Variants in GBE1 observed in about 807,000 individuals in gnomAD.
GBE1 encodes the protein 1,4-alpha-glucan branching enzyme 1.
In GBE1, 70 loss-of-function variants were observed where a neutral mutation model predicts 88.8. The ratio of observed to expected loss-of-function variants is 0.79; its 90% CI spans 0.65 to 0.96. The LOEUF is 0.96. GBE1 is among the 40% of genes least tolerant of loss of function. The pLI is 0.00. For missense variants in GBE1, 872 were observed against 871.0 expected, an observed-to-expected ratio of 1.00 and a Z score of -0.01; for synonymous variants, 284 against 300.1, an observed-to-expected ratio of 0.95 and a Z score of 0.56.
intron 1 of GBE1, among the ~76,000 whole-genome samples, chr3:81,736,215 G>A (rs1706256026): frequency 6.6e-6 from 1 of 152,170 alleles, no homozygotes; most frequent in African/African-American, 2.4e-5. Flanking sequence ...AAGGGTTGGA[G>A]TGAGGAGGTA....
At chr3:81,621,188 C>G (rs551086472) in intron 7 of GBE1, among the ~76,000 whole-genome samples, 15 of 152,192 alleles carry the variant, frequency 9.9e-5, no homozygotes, top group Admixed American at 9.8e-4. Flanking sequence ...AGAAAGCTTA[C>G]TCTGCACTTT....
chr3:81,583,101 G>A (rs970243082), intron 10 of GBE1, among the ~76,000 whole-genome samples: 1 of 152,032 alleles, frequency 6.6e-6, no homozygotes, highest in Non-Finnish European at 1.5e-5. Flanking sequence ...GGATATGCAG[G>A]AGGCAAATAA....
At chr3:81,553,980 A>T (rs1218349373) in intron 12 of GBE1, among the ~76,000 whole-genome samples, 1 of 152,190 alleles carries the variant, frequency 6.6e-6, no homozygotes, top group Non-Finnish European at 1.5e-5. Flanking sequence ...GACAATGAAC[A>T]AAGCAAATGA....
intron 1 of GBE1, among the ~76,000 whole-genome samples, chr3:81,713,331 G>A (rs1165963308): frequency 3.3e-5 from 5 of 152,202 alleles, no homozygotes; most frequent in African/African-American, 1.2e-4. Context: ...GTAAAAATTG[G>A]ATGCTTCTTG....
intron 3 of GBE1, among the ~76,000 whole-genome samples, chr3:81,667,930 T>C (rs745334111): frequency 2.0e-5 from 3 of 152,198 alleles, no homozygotes; most frequent in Non-Finnish European, 2.9e-5. Context: ...TATATGTTTA[T>C]TGCAACACTA....
chr3:81,628,301 C>A (rs1480909086), intron 7 of GBE1, among the ~76,000 whole-genome samples: 1 of 152,020 alleles, frequency 6.6e-6, no homozygotes, highest in South Asian at 2.1e-4. Flanking sequence ...GTCTCTACAA[C>A]AAAAAGTTAC....
chr3:81,577,695 T>C (rs1179995879), intron 12 of GBE1, among the ~76,000 whole-genome samples: 1 of 152,178 alleles, frequency 6.6e-6, no homozygotes, highest in African/African-American at 2.4e-5. Flanking sequence ...TTGACAGCAA[T>C]ATTCAATTAA....
chr3:81,749,508 T>G (rs1429009359), intron 1 of GBE1, among the ~76,000 whole-genome samples: 1 of 152,220 alleles, frequency 6.6e-6, no homozygotes, highest in African/African-American at 2.4e-5. Context: ...AGAGCATTCC[T>G]TCGTAGTGAT....
chr3:81,548,057 T>A (rs1163682812), intron 12 of GBE1, among the ~76,000 whole-genome samples: 2 of 151,464 alleles, frequency 1.3e-5, no homozygotes, highest in African/African-American at 4.8e-5. Context: ...AGGGTTCAAT[T>A]CCTGGCTTAG....
At chr3:81,731,386 C>T (rs560167597) in intron 1 of GBE1, among the ~76,000 whole-genome samples, 1 of 152,284 alleles carries the variant, frequency 6.6e-6, no homozygotes, top group East Asian at 1.9e-4. Flanking sequence ...TTCCTTCAGG[C>T]CTACAGGTAT....
At chr3:81,692,051 A>C (rs1463664838) in intron 2 of GBE1, among the ~76,000 whole-genome samples, 1 of 152,130 alleles carries the variant, frequency 6.6e-6, no homozygotes, top group African/African-American at 2.4e-5. Context: ...AACTGCCATG[A>C]CCTACACAGC....
At chr3:81,672,966 C>T (rs1380241966) in intron 2 of GBE1, among the ~76,000 whole-genome samples, 2 of 151,838 alleles carry the variant, frequency 1.3e-5, no homozygotes, top group Non-Finnish European at 3.0e-5. Context: ...AATAAAGGTT[C>T]TTCTAAACAG....
chr3:81,691,195 GAA>G (rs1410197817), intron 2 of GBE1, among the ~76,000 whole-genome samples: 1 of 151,996 alleles, frequency 6.6e-6, no homozygotes, highest in Non-Finnish European at 1.5e-5. Context: ...TCTTAAATGA[GAA>G]AAGATTAACA....
intron 12 of GBE1, among the ~76,000 whole-genome samples, chr3:81,546,625 T>C (rs1576142957): frequency 6.6e-6 from 1 of 151,516 alleles, no homozygotes; most frequent in Middle Eastern, 3.4e-3. Context: ...CTCACTGCTA[T>C]ACTCCCACCA....
At chr3:81,703,119 T>A (rs980831735) in intron 2 of GBE1, among the ~76,000 whole-genome samples, 1 of 151,974 alleles carries the variant, frequency 6.6e-6, no homozygotes, top group African/African-American at 2.4e-5. Context: ...CATGGAATTT[T>A]AAAAAAGAAA....
At chr3:81,749,040 A>G (rs192444353) in intron 1 of GBE1, among the ~76,000 whole-genome samples, 2 of 151,988 alleles carry the variant, frequency 1.3e-5, no homozygotes, top group East Asian at 3.9e-4. Context: ...AAAAAAAGAA[A>G]ATATCTGGAA....
At chr3:81,590,528 A>C (rs1030214854) in intron 9 of GBE1, among the ~76,000 whole-genome samples, 1 of 152,064 alleles carries the variant, frequency 6.6e-6, no homozygotes, top group Non-Finnish European at 1.5e-5. Context: ...TGGGACAGTT[A>C]ATCATGAACC....
Position 81,490,204 on chromosome 3 carries a change from A to C in GBE1, c.*203T>G. ...AGATGACTTGAAAATATGGTCTAGGATTCCTAATATTTTAAACATATTCTC... is the reference window on the plus strand; with the variant it reads ...AGATGACTTGAAAATATGGTCTAGGCTTCCTAATATTTTAAACATATTCTC... On this transcript the variant is annotated 3_prime_UTR_variant, in exon 16 of 16. Transcript: ENST00000429644. The C allele has an allele frequency of 1.8e-6, 1 of 550,192 alleles. No homozygotes were observed. Among genetic ancestry groups the C allele is most frequent in the Non-Finnish European group, 3.2e-6 (1 of 315,550 alleles). 34.1% of individuals were successfully genotyped at this position (550,192 alleles called of 1,614,324 possible).
chr3:81,588,747 A>G (rs894302654), intron 9 of GBE1, among the ~76,000 whole-genome samples: 1 of 152,090 alleles, frequency 6.6e-6, no homozygotes, highest in Non-Finnish European at 1.5e-5. Context: ...TTTCTTACAC[A>G]TTGTTACATT....
Sources: allele counts gnomAD v4.1 joint callset (sites outside exome capture counted in the v4.1 genomes callset), GRCh38; gene constraint gnomAD v4.1.1; transcripts MANE v1.5; gene names NCBI Gene and HGNC (gene_info 2026-07-23, HGNC 2026-07-21).